The following SLC38A11 variants were observed in gnomAD, a reference collection of about 807,000 sequenced individuals.
SLC38A11 encodes solute carrier family 38 member 11, also known as putative sodium-coupled neutral amino acid transporter 11.
SLC38A11 carries 51 observed loss-of-function variants against 49.4 expected under a neutral mutation model. That is an observed-to-expected ratio of 1.03 (90% CI 0.83 to 1.30). SLC38A11 has a LOEUF of 1.30. Ranked by LOEUF, SLC38A11 falls within the 50% of genes most tolerant of loss-of-function variation. The pLI, the probability that SLC38A11 is intolerant of heterozygous loss-of-function variation, is 0.00. For missense variants in SLC38A11, 574 were observed against 556.2 expected (o/e 1.03, Z -0.32); for synonymous variants, 203 against 192.9 (o/e 1.05, Z -0.43).
At chr2:164,913,380 C>T (rs866314486) in intron 9 of SLC38A11, among the ~76,000 whole-genome samples, 1 of 151,896 alleles carries the variant, frequency 6.6e-6, no homozygotes, top group Middle Eastern at 3.2e-3. Flanking sequence ...CTAGAAATGT[C>T]GAGGAGAATC....
intron 3 of SLC38A11, among the ~76,000 whole-genome samples, chr2:164,948,888 C>CTT (rs67268569): frequency 0.022 from 2,933 of 136,156 alleles, 40 homozygotes; most frequent in Middle Eastern, 0.043. Context: ...TGCTAACTCA[C>CTT]TTTTTTTTTT....
chr2:164,929,293 G>C (rs1226831565), intron 7 of SLC38A11, among the ~76,000 whole-genome samples: 1 of 152,016 alleles, frequency 6.6e-6, no homozygotes, highest in Non-Finnish European at 1.5e-5. Flanking sequence ...TGTCCTTTGG[G>C]ATACCCTTTT....
intron 3 of SLC38A11, 134 bp from the exon 4 acceptor site, chr2:164,945,861 C>A (rs1393778443): frequency 4.4e-6 from 4 of 910,006 alleles, no homozygotes; most frequent in Non-Finnish European, 5.0e-6. Context: ...TTAGCAGAGC[C>A]AGGCTAACTT....
chr2:164,927,395 A>G (rs1169370692), intron 7 of SLC38A11, among the ~76,000 whole-genome samples: 10 of 152,294 alleles, frequency 6.6e-5, no homozygotes, highest in Non-Finnish European at 1.3e-4. Flanking sequence ...GCAGTTTTTC[A>G]AAAGAGATAA....
chr2:164,907,298 G>C (rs1273938631), intron 11 of SLC38A11, among the ~76,000 whole-genome samples: 1 of 96,332 alleles, frequency 1.0e-5, no homozygotes, highest in African/African-American at 3.8e-5. Flanking sequence ...TTTTGAGACC[G>C]GGTCTCACTC....
Position 164,939,571 on chromosome 2 carries a change from ATAT to A in SLC38A11, c.431-18_431-16del, listed in dbSNP as rs1687608586. On this transcript the variant is annotated splice_polypyrimidine_tract_variant and intron_variant, in intron 5 of 11. Coordinates refer to ENST00000685975, the MANE Select transcript of SLC38A11 (RefSeq NM_001351537.2). ...TTCAGGATCAACTAAAACACAATAAATATTATTAAATGTTACAGGTATAAGTAA... is the reference window on the plus strand; with the variant it reads ...TTCAGGATCAACTAAAACACAATAAATATTAAATGTTACAGGTATAAGTAA... The A allele has an allele frequency of 6.5e-7, 1 of 1,534,670 alleles. No homozygotes were observed. Among genetic ancestry groups the A allele is most frequent in the South Asian group, 1.1e-5 (1 of 87,882 alleles).
intron 11 of SLC38A11, chr2:164,908,144 G>A (rs1395013329): frequency 6.6e-6 from 1 of 151,972 alleles, no homozygotes; most frequent in Admixed American, 6.6e-5. Flanking sequence ...GCAAGTGAAT[G>A]GATATAACTT....
chr2:164,947,474 T>C (rs1688217402), intron 3 of SLC38A11, among the ~76,000 whole-genome samples: 2 of 152,130 alleles, frequency 1.3e-5, no homozygotes, highest in South Asian at 4.1e-4. Flanking sequence ...ATCTCACTTA[T>C]GCTGTGGTTG....
intron 7 of SLC38A11, among the ~76,000 whole-genome samples, chr2:164,926,121 T>C (rs554498640): frequency 6.6e-6 from 1 of 152,298 alleles, no homozygotes; most frequent in East Asian, 1.9e-4. Context: ...TGGTTTGCTA[T>C]AGATAGCCTC....
intron 11 of SLC38A11, among the ~76,000 whole-genome samples, chr2:164,904,922 C>T (rs1298433223): frequency 1.3e-5 from 2 of 152,000 alleles, no homozygotes; most frequent in Non-Finnish European, 2.9e-5. Context: ...AAAATGTGAG[C>T]TTTAGGGTCC....
chr2:164,900,773 C>G (rs1209665729), intron 11 of SLC38A11, among the ~76,000 whole-genome samples: 3 of 151,940 alleles, frequency 2.0e-5, no homozygotes, highest in Non-Finnish European at 4.4e-5. Flanking sequence ...CCGCCCTGCA[C>G]CCCCTCCCCA....
At chr2:164,902,874 A>G (rs1684750357) in intron 11 of SLC38A11, among the ~76,000 whole-genome samples, 2 of 152,176 alleles carry the variant, frequency 1.3e-5, no homozygotes. Context: ...GAATGAGAAA[A>G]TACTTAAAAA....
intron 7 of SLC38A11, among the ~76,000 whole-genome samples, chr2:164,921,425 G>A (rs1686195383): frequency 1.3e-5 from 2 of 152,032 alleles, no homozygotes; most frequent in Admixed American, 1.3e-4. Flanking sequence ...GGCCTCAAGA[G>A]GTCCTCCAGC....
At position 164,950,745 on chromosome 2, in the gene SLC38A11, A is replaced by C. The variant is rs554378644; in HGVS notation, c.229+1962T>G. ...TCTTTTTGTTCCCCAACATTTCATAACATGAAAACAGAACTTAGAAAAACT... is the reference window on the plus strand; with the variant it reads ...TCTTTTTGTTCCCCAACATTTCATACCATGAAAACAGAACTTAGAAAAACT... On this transcript the variant is annotated intron_variant, in intron 3 of 11. Coordinates refer to ENST00000685975, the MANE Select transcript of SLC38A11 (RefSeq NM_001351537.2). Among the ~76,000 whole-genome samples, 476 of 152,306 alleles carry C rather than the reference A, an allele frequency of 3.1e-3. 1 individual carries two copies. Among genetic ancestry groups the C allele is most frequent in the African/African-American group, 0.011 (451 of 41,572 alleles).
At chr2:164,920,783 A>G (rs1207801202) in intron 7 of SLC38A11, among the ~76,000 whole-genome samples, 1 of 152,150 alleles carries the variant, frequency 6.6e-6, no homozygotes, top group Non-Finnish European at 1.5e-5. Context: ...ACAACACAAA[A>G]AGGAGGTAAA....
chr2:164,902,033 C>CTTTT (rs60476941), intron 11 of SLC38A11, among the ~76,000 whole-genome samples: 2 of 133,298 alleles, frequency 1.5e-5, no homozygotes, highest in Non-Finnish European at 1.6e-5. Flanking sequence ...TTTTCTCTCT[C>CTTTT]TTTTTTTTTT....
intron 5 of SLC38A11, among the ~76,000 whole-genome samples, chr2:164,941,395 G>C (rs552156481): frequency 2.6e-4 from 40 of 151,942 alleles, no homozygotes; most frequent in Non-Finnish European, 4.1e-4. Flanking sequence ...TAAAAATAGA[G>C]CTTTGGTAAG....
intron 10 of SLC38A11, among the ~76,000 whole-genome samples, chr2:164,910,380 G>A (rs904134359): frequency 1.3e-5 from 2 of 152,022 alleles, no homozygotes; most frequent in Non-Finnish European, 2.9e-5. Flanking sequence ...TTGAACCTAC[G>A]TACTGAGCAG....
At chr2:164,927,951 A>T (rs1332323722) in intron 7 of SLC38A11, among the ~76,000 whole-genome samples, 4 of 152,170 alleles carry the variant, frequency 2.6e-5, no homozygotes, top group Non-Finnish European at 4.4e-5. Flanking sequence ...CATTTAATAA[A>T]ATGTTATTGG....
Sources: allele counts gnomAD v4.1 joint callset (sites outside exome capture counted in the v4.1 genomes callset), GRCh38; gene constraint gnomAD v4.1.1; transcripts MANE v1.5; gene names NCBI Gene and HGNC (gene_info 2026-07-23, HGNC 2026-07-21).